Variants in ATP2C1 observed in about 807,000 individuals in gnomAD.
ATP2C1 encodes calcium-transporting ATPase type 2C member 1.
In ATP2C1, 31 loss-of-function variants were observed where a neutral mutation model predicts 120.5. That is an observed-to-expected ratio of 0.26 (90% CI 0.19 to 0.35). The LOEUF (loss-of-function observed/expected upper bound fraction) is 0.35, where lower values mean the gene tolerates loss of function less well. Among genes scored for constraint, ATP2C1 ranks in the 10% least tolerant of loss-of-function variants. The pLI is 1.00. For missense variants in ATP2C1, 731 were observed against 1,107.5 expected, an observed-to-expected ratio of 0.66 and a Z score of 4.83; for synonymous variants, 351 against 358.7, an observed-to-expected ratio of 0.98 and a Z score of 0.24.
rs932881182 is a variant in ATP2C1 at position 130,980,578 on chromosome 3, T to G, written c.1742-4T>G. ...TATTACATTTTCTCTCTCATTTGCT[T>G]TAGCCAGTCGTCTGGGATTGTATTC... is the stretch of plus-strand genomic sequence containing the variant. On this transcript the variant is annotated splice_region_variant and splice_polypyrimidine_tract_variant and intron_variant, in intron 19 of 27. Coordinates refer to ENST00000510168, the MANE Select transcript of ATP2C1 (RefSeq NM_001378687.1). 2.5e-6 allele frequency: 4 copies of G among 1,610,946 alleles called. No homozygotes were observed. In the South Asian group the frequency reaches 4.4e-5, roughly 18 times the overall value.
chr3:130,947,845 T>C (rs2060215514), intron 8 of ATP2C1, among the ~76,000 whole-genome samples: 1 of 152,136 alleles, frequency 6.6e-6, no homozygotes, highest in South Asian at 2.1e-4. Flanking sequence ...TTTCTGTGCA[T>C]ACTGTTTACT....
At chr3:130,902,713 C>A (rs923002022) in intron 2 of ATP2C1, among the ~76,000 whole-genome samples, 1 of 151,618 alleles carries the variant, frequency 6.6e-6, no homozygotes, top group African/African-American at 2.4e-5. Context: ...CTAACTAGAC[C>A]CCCCCCGAAG....
intron 1 of ATP2C1, among the ~76,000 whole-genome samples, chr3:130,887,186 A>G (rs550110629): frequency 6.6e-6 from 1 of 152,286 alleles, no homozygotes; most frequent in East Asian, 1.9e-4. Flanking sequence ...AAACAAATGA[A>G]GTCTCTCTGT....
chr3:130,937,208 A>G (rs1279794904), intron 5 of ATP2C1, among the ~76,000 whole-genome samples: 1 of 152,204 alleles, frequency 6.6e-6, no homozygotes, highest in Non-Finnish European at 1.5e-5. Context: ...GGGCCCTGAG[A>G]TCAAAAAGTT....
intron 8 of ATP2C1, among the ~76,000 whole-genome samples, chr3:130,950,253 A>G (rs2060315053): frequency 6.6e-6 from 1 of 152,048 alleles, no homozygotes; most frequent in Non-Finnish European, 1.5e-5. Context: ...ACTGTTTTAT[A>G]GCATATTCAC....
rs543431138 is a variant in ATP2C1 at position 130,932,500 on chromosome 3, T to A, written c.234+362T>A. Among the ~76,000 whole-genome samples, 7 of 152,226 alleles carry A rather than the reference T, an allele frequency of 4.6e-5. No homozygotes were observed. In the East Asian group the frequency reaches 1.3e-3, roughly 29 times the overall value. ...AAAAAGTAAGTTAGGTAAGTTAAAC[T>A]CAGGCTGCCTGGGTACAAATTACAC... On this transcript the variant is annotated intron_variant, in intron 4 of 27. Transcript: ENST00000510168.
chr3:130,869,654 C>G (rs2068364743), intron 1 of ATP2C1, among the ~76,000 whole-genome samples: 1 of 152,130 alleles, frequency 6.6e-6, no homozygotes, highest in Non-Finnish European at 1.5e-5. Context: ...TTTGAGCGGT[C>G]TGGATACAAG....
downstream of ATP2C1, among the ~76,000 whole-genome samples, chr3:131,006,894 C>T (rs2063138968): frequency 6.6e-6 from 1 of 152,050 alleles, no homozygotes; most frequent in South Asian, 2.1e-4. Flanking sequence ...TCTCAAACTC[C>T]TGGGCTCAAG....
intron 26 of ATP2C1, among the ~76,000 whole-genome samples, chr3:130,998,944 C>T (rs2062761047): frequency 6.6e-6 from 1 of 152,074 alleles, no homozygotes; most frequent in Non-Finnish European, 1.5e-5. Context: ...GCATATTGTC[C>T]TTAAAAACTA....
chr3:130,867,295 TG>T (rs1231400711), intron 1 of ATP2C1, among the ~76,000 whole-genome samples: 8 of 132,294 alleles, frequency 6.0e-5, no homozygotes, highest in Admixed American at 3.1e-4. Context: ...TAGAAATGAT[TG>T]TCCCTCTCCC....
At chr3:130,945,288 A>T (rs572500864) in intron 8 of ATP2C1, among the ~76,000 whole-genome samples, 1 of 152,210 alleles carries the variant, frequency 6.6e-6, no homozygotes. Flanking sequence ...TGGTCGGACA[A>T]TGACTTTAGA....
At position 130,883,130 on chromosome 3, in the gene ATP2C1, A is replaced by G. The variant is rs541809427; in HGVS notation, c.108+32202A>G. On this transcript the variant is annotated intron_variant, in intron 1 of 26. Coordinates refer to the ATP2C1 transcript ENST00000504381. ...CTTCTAAATTTTCCAATTTATTAGC[A>G]TATGGTTGATGATACTAGCCACTAA... Among the ~76,000 whole-genome samples, 17 of 152,280 alleles carry G rather than the reference A, an allele frequency of 1.1e-4. 1 individual carries two copies. The South Asian group carries it at 3.5e-3, about 32-fold the overall frequency.
intron 2 of ATP2C1, among the ~76,000 whole-genome samples, chr3:130,910,084 CT>C (rs1387002597): frequency 6.6e-6 from 1 of 152,118 alleles, no homozygotes; most frequent in East Asian, 1.9e-4. Context: ...TATATTGCCT[CT>C]TCTCGTTGAT....
At chr3:130,911,115 A>T (rs1260638371) in intron 2 of ATP2C1, among the ~76,000 whole-genome samples, 5 of 150,658 alleles carry the variant, frequency 3.3e-5, no homozygotes, top group African/African-American at 2.4e-5. Flanking sequence ...GATTATTGCC[A>T]CAATTTCAGC....
intron 1 of ATP2C1, among the ~76,000 whole-genome samples, chr3:130,851,947 C>T (rs1169052774): frequency 1.3e-5 from 2 of 152,190 alleles, no homozygotes; most frequent in African/African-American, 2.4e-5. Flanking sequence ...GACAGAAAAT[C>T]CTCTCATGAC....
intron 11 of ATP2C1, among the ~76,000 whole-genome samples, chr3:130,957,714 A>AT (rs1305447115): frequency 2.0e-4 from 31 of 151,832 alleles, no homozygotes; most frequent in African/African-American, 6.5e-4. Flanking sequence ...CACCTGGCTA[A>AT]TTTTTTTATT....
At chr3:130,893,361 C>T (rs1417348020), upstream of ATP2C1, among the ~76,000 whole-genome samples, 1 of 152,184 alleles carries the variant, frequency 6.6e-6, no homozygotes. Context: ...GATTAGCTCT[C>T]CCTGGAGCTC....
rs983436240 is a variant in ATP2C1 at position 130,964,298 on chromosome 3, T to C, written c.1024+203T>C. ...GTGAGGGGACTTGAAGAGAAATCTT[T>C]CTACATCATGTTCTAATGCACAAAT... On this transcript the variant is annotated intron_variant, in intron 13 of 27. Transcript: ENST00000510168. 2.0e-5 allele frequency among the ~76,000 whole-genome samples: 3 copies of C among 152,060 alleles called. No homozygotes were observed. The South Asian group carries it at 6.2e-4, about 31-fold the overall frequency.
chr3:131,016,691 T>G, downstream of ATP2C1: 2 of 331,160 alleles, frequency 6.0e-6, no homozygotes, highest in South Asian at 5.4e-5. Context: ...ATTATTCTCT[T>G]TACTGTTCTC....
Sources: gnomAD v4.1 joint callset for allele counts (sites outside exome capture counted in the v4.1 genomes callset) on GRCh38, gnomAD v4.1.1 for gene constraint, MANE v1.5 for transcripts, NCBI Gene and HGNC (gene_info 2026-07-23, HGNC 2026-07-21) for gene names.